The following CHIC1 variants were observed in gnomAD, a reference collection of about 807,000 sequenced individuals.
CHIC1 encodes cysteine rich hydrophobic domain 1.
A neutral mutation model predicts 18.5 loss-of-function variants in CHIC1; 7 were observed. The ratio of observed to expected loss-of-function variants is 0.38; its 90% CI spans 0.22 to 0.71. The LOEUF is 0.71. Among genes scored for constraint, CHIC1 ranks in the 30% least tolerant of loss-of-function variants. The pLI, the probability that CHIC1 is intolerant of heterozygous loss-of-function variation, is 0.49. For synonymous variants in CHIC1, 77 were observed against 73.5 expected (o/e 1.05, Z -0.25); for missense variants, 159 against 176.9 (o/e 0.90, Z 0.57).
In CHIC1 at chrX:73,599,536, C is replaced by G. The variant is rs1424406358; in HGVS notation, c.507+14964C>G. On this transcript the variant is annotated intron_variant, in intron 3 of 5. Coordinates refer to ENST00000373502, the MANE Select transcript of CHIC1 (RefSeq NM_001039840.4). Reference sequence around the variant, plus strand: ...AAGGTGTAAGGAAGGGATCCAGTTTCAGCTTTCTACATCTGGCTAGCCAGT... The same window carrying G: ...AAGGTGTAAGGAAGGGATCCAGTTTGAGCTTTCTACATCTGGCTAGCCAGT... 4.2e-3 allele frequency among the ~76,000 whole-genome samples: 437 copies of G among 104,754 alleles called. 4 individuals carry two copies. The highest frequency in any genetic ancestry group is 6.0e-3 in the Non-Finnish European group (313 of 52,430). 91.0% of individuals were successfully genotyped at this position (104,754 alleles called of 115,157 possible).
intron 3 of CHIC1, among the ~76,000 whole-genome samples, chrX:73,614,773 T>C (rs5982466): frequency 0.012 from 1,316 of 111,083 alleles, 8 homozygotes; most frequent in Middle Eastern, 0.032. Context: ...TACCCAATTG[T>C]TTTTCTGATT....
intron 1 of CHIC1, among the ~76,000 whole-genome samples, chrX:73,569,733 AT>A (rs2057461267): frequency 9.0e-6 from 1 of 111,452 alleles, no homozygotes; most frequent in Non-Finnish European, 1.9e-5. Context: ...TTATTTAAGT[AT>A]TTTTTTAGTG....
chrX:73,671,641 T>C (rs1207294383), intron 3 of CHIC1, among the ~76,000 whole-genome samples: 1 of 111,691 alleles, frequency 9.0e-6, no homozygotes, highest in Non-Finnish European at 1.9e-5. Flanking sequence ...GATATCTTTG[T>C]TGGATTTCTC....
intron 1 of CHIC1, among the ~76,000 whole-genome samples, chrX:73,573,122 A>C (rs1263265465): frequency 9.0e-6 from 1 of 111,425 alleles, no homozygotes; most frequent in African/African-American, 3.3e-5. Context: ...ATTTGTGTAT[A>C]TCATGACAGG....
intron 3 of CHIC1, among the ~76,000 whole-genome samples, chrX:73,597,629 A>G (rs938741785): frequency 2.8e-5 from 3 of 108,473 alleles, no homozygotes; most frequent in Admixed American, 2.0e-4. Context: ...ACATATATAT[A>G]TATATACGCA....
chrX:73,655,516 A>G (rs1468256371), intron 3 of CHIC1, among the ~76,000 whole-genome samples: 2 of 80,297 alleles, frequency 2.5e-5, no homozygotes, highest in East Asian at 3.9e-4. Context: ...ACATATATAC[A>G]CAATATTGTG....
intron 3 of CHIC1, among the ~76,000 whole-genome samples, chrX:73,655,485 C>A: frequency 1.8e-5 from 1 of 55,967 alleles, no homozygotes; most frequent in Admixed American, 2.1e-4. Flanking sequence ...CATATATACA[C>A]AATATTGTGT....
At chrX:73,598,872 G>C (rs1474056437) in intron 3 of CHIC1, among the ~76,000 whole-genome samples, 1 of 109,056 alleles carries the variant, frequency 9.2e-6, no homozygotes, top group Non-Finnish European at 1.9e-5. Context: ...GGGTCAAATG[G>C]TATTTCTAGT....
chrX:73,675,598 A>G (rs2058057702), intron 3 of CHIC1, among the ~76,000 whole-genome samples: 1 of 111,169 alleles, frequency 9.0e-6, no homozygotes, highest in African/African-American at 3.3e-5. Context: ...ATCTTCCTCC[A>G]TCCCTTTATT....
At chrX:73,665,540 T>G (rs1013700288) in intron 3 of CHIC1, among the ~76,000 whole-genome samples, 3 of 111,449 alleles carry the variant, frequency 2.7e-5, no homozygotes, top group Non-Finnish European at 5.6e-5. Context: ...TATATACTGT[T>G]GCTGTTGAGC....
In CHIC1 at chrX:73,563,387, T is replaced by C; in HGVS notation, c.103T>C (p.Ser35Pro). 8.7e-7 allele frequency: 1 copy of C among 1,155,352 alleles called. No homozygotes were observed. The highest frequency in any genetic ancestry group is 1.8e-5 in the African/African-American group (1 of 55,048). Residue 35 changes from serine to proline, a missense_variant, in exon 1 of 6, where the codon TCG becomes CCG. Coordinates refer to ENST00000373502, the MANE Select transcript of CHIC1 (RefSeq NM_001039840.4). ...AATSSSSPSS[S>P]SSVSGPDDDE... ...AACGTCGTCGTCGTCGCCGTCGTCG[T>C]CGTCGTCGGTATCTGGGCCCGACGA...
chrX:73,583,456 T>C (rs2057537426), intron 2 of CHIC1, among the ~76,000 whole-genome samples: 1 of 111,247 alleles, frequency 9.0e-6, no homozygotes, highest in Non-Finnish European at 1.9e-5. Context: ...GCGGTTTTTA[T>C]TTTATAATAC....
At chrX:73,567,063 T>C (rs1243481336) in intron 1 of CHIC1, among the ~76,000 whole-genome samples, 1 of 111,544 alleles carries the variant, frequency 9.0e-6, no homozygotes, top group Non-Finnish European at 1.9e-5. Flanking sequence ...TCTGGCAGTT[T>C]CTTAACTGTT....
At chrX:73,648,448 GC>G (rs1276878492) in intron 3 of CHIC1, among the ~76,000 whole-genome samples, 2 of 111,704 alleles carry the variant, frequency 1.8e-5, no homozygotes, top group Non-Finnish European at 3.8e-5. Flanking sequence ...TTAACCCAAT[GC>G]AAAGAAGCTA....
At chrX:73,584,385 C>T (rs1217791264) in intron 2 of CHIC1, 32 bp from the exon 3 acceptor site, 2 of 1,132,409 alleles carry the variant, frequency 1.8e-6, no homozygotes, top group Admixed American at 2.6e-5. Context: ...AAAAGCTGCC[C>T]ACAAACTGTT....
intron 3 of CHIC1, among the ~76,000 whole-genome samples, chrX:73,606,140 T>C (rs780680808): frequency 9.3e-6 from 1 of 107,986 alleles, no homozygotes; most frequent in East Asian, 2.9e-4. Flanking sequence ...AGGTTTGCTC[T>C]TTTTACATAG....
chrX:73,570,995 A>G (rs1242777649), intron 1 of CHIC1, among the ~76,000 whole-genome samples: 1 of 111,411 alleles, frequency 9.0e-6, no homozygotes, highest in Non-Finnish European at 1.9e-5. Context: ...ATTTTCAGCA[A>G]AATGACAGTA....
chrX:73,611,794 G>GT lies in CHIC1; in HGVS notation c.507+27228dup, dbSNP rs1398224260. On this transcript the variant is annotated intron_variant, in intron 3 of 5. Coordinates refer to ENST00000373502, the MANE Select transcript of CHIC1 (RefSeq NM_001039840.4). Reference sequence around the variant, plus strand: ...AGTGATGATGAGCATTTTTTCATGTGTTTTTTGGCTGCATAAATGTCTTCT... The same window carrying GT: ...AGTGATGATGAGCATTTTTTCATGTGTTTTTTTGGCTGCATAAATGTCTTCT... Among the ~76,000 whole-genome samples the GT allele has an allele frequency of 1.1e-4, 12 of 108,028 alleles. 1 individual carries two copies. The highest frequency in any genetic ancestry group is 4.3e-4 in the African/African-American group (12 of 27,981). The allele number at this position is 108,028 out of a possible 115,157, so 93.8% of individuals were successfully genotyped here. A position where few individuals can be genotyped will look rare whatever the true frequency, so the allele number is the denominator to read the frequency against.
At position 73,685,243 on chromosome X, in the gene CHIC1, C is replaced by T. The variant is rs1177940655; in HGVS notation, c.*4238C>T. Reference sequence around the variant, plus strand: ...TAATTATCACACAGACTCCAAGAACCTGATGCTTGCTAGACCTTAGTTCCT... The same window carrying T: ...TAATTATCACACAGACTCCAAGAACTTGATGCTTGCTAGACCTTAGTTCCT... On this transcript the variant is annotated 3_prime_UTR_variant, in exon 6 of 6. Coordinates refer to ENST00000373502, the MANE Select transcript of CHIC1 (RefSeq NM_001039840.4). 1 of 111,546 alleles carries T rather than the reference C, an allele frequency of 9.0e-6. No homozygotes were observed. The highest frequency in any genetic ancestry group is 3.3e-5 in the African/African-American group (1 of 30,739). 9.2% of individuals were successfully genotyped at this position (111,546 alleles called of 1,213,427 possible).
Sources: allele counts gnomAD v4.1 joint callset (sites outside exome capture counted in the v4.1 genomes callset), GRCh38; gene constraint gnomAD v4.1.1; transcripts MANE v1.5; gene names NCBI Gene and HGNC (gene_info 2026-07-23, HGNC 2026-07-21).